The following NXPH2 variants were observed in gnomAD, a reference collection of about 807,000 sequenced individuals.
NXPH2 encodes the protein neurexophilin 2.
NXPH2 carries 5 observed loss-of-function variants against 19.8 expected under a neutral mutation model. The observed-to-expected ratio is 0.25, with a 90% confidence interval of 0.13 to 0.53. The LOEUF is 0.53. Ranked by LOEUF, NXPH2 falls within the 20% of genes least tolerant of loss-of-function variation. The pLI, the probability that NXPH2 is intolerant of heterozygous loss-of-function variation, is 0.96. For synonymous variants in NXPH2, 154 were observed against 127.4 expected, an observed-to-expected ratio of 1.21 and a Z score of -1.41; for missense variants, 289 against 322.8, an observed-to-expected ratio of 0.90 and a Z score of 0.80.
intron 1 of NXPH2, among the ~76,000 whole-genome samples, chr2:138,765,762 G>A (rs1307587973): frequency 6.6e-6 from 1 of 152,024 alleles, no homozygotes; most frequent in Non-Finnish European, 1.5e-5. Context: ...ATATAACCTG[G>A]GTTTGTGATA....
intron 1 of NXPH2, among the ~76,000 whole-genome samples, chr2:138,726,346 C>T (rs1429889688): frequency 6.6e-6 from 1 of 152,056 alleles, no homozygotes; most frequent in Non-Finnish European, 1.5e-5. Context: ...GGTCGGCCTG[C>T]CAACTTAGAG....
intron 1 of NXPH2, among the ~76,000 whole-genome samples, chr2:138,713,957 GAAAC>G (rs1238870679): frequency 7.2e-6 from 1 of 138,500 alleles, no homozygotes; most frequent in Non-Finnish European, 1.6e-5. Flanking sequence ...TGTAAACAAA[GAAAC>G]AAACAAAAAA....
chr2:138,745,787 T>C (rs1330732523), intron 1 of NXPH2, among the ~76,000 whole-genome samples: 4 of 151,144 alleles, frequency 2.6e-5, no homozygotes, highest in Non-Finnish European at 5.9e-5. Context: ...AGCTGTTACC[T>C]ATGGAGTGAG....
chr2:138,752,473 T>G (rs1681842206), intron 1 of NXPH2, among the ~76,000 whole-genome samples: 1 of 152,168 alleles, frequency 6.6e-6, no homozygotes. Context: ...AAACATACTT[T>G]TAATGCCAGA....
At chr2:138,773,415 G>T (rs2104845228) in intron 1 of NXPH2, among the ~76,000 whole-genome samples, 2 of 152,130 alleles carry the variant, frequency 1.3e-5, no homozygotes, top group Non-Finnish European at 2.9e-5. Context: ...AATGTTAAAT[G>T]ATGCTTTATG....
chr2:138,702,619 T>G (rs1266216041), intron 1 of NXPH2, among the ~76,000 whole-genome samples: 1 of 131,058 alleles, frequency 7.6e-6, no homozygotes. Flanking sequence ...ATAAATTAAC[T>G]TGAAGAGAAA....
chr2:138,727,191 C>T (rs1326971959), intron 1 of NXPH2, among the ~76,000 whole-genome samples: 2 of 152,176 alleles, frequency 1.3e-5, no homozygotes, highest in African/African-American at 4.8e-5. Flanking sequence ...CATCAAAGGA[C>T]ATCTTGATTG....
chr2:138,740,565 C>G (rs1188588274), intron 1 of NXPH2, among the ~76,000 whole-genome samples: 1 of 152,092 alleles, frequency 6.6e-6, no homozygotes, highest in Admixed American at 6.5e-5. Context: ...AATAAATCAA[C>G]CATATCGTTA....
At chr2:138,706,950 G>T (rs1681025249) in intron 1 of NXPH2, among the ~76,000 whole-genome samples, 1 of 151,742 alleles carries the variant, frequency 6.6e-6, no homozygotes, top group Admixed American at 6.6e-5. Context: ...AATGCTTAGA[G>T]AAACTTGTTG....
chr2:138,701,802 A>C (rs1305081088), intron 1 of NXPH2, among the ~76,000 whole-genome samples: 1 of 152,216 alleles, frequency 6.6e-6, no homozygotes, highest in East Asian at 1.9e-4. Context: ...CATATGTTAC[A>C]GAAACTTGCC....
intron 1 of NXPH2, 51 bp downstream of exon 1, chr2:138,780,140 C>A: frequency 2.7e-6 from 4 of 1,464,560 alleles, no homozygotes; most frequent in South Asian, 2.7e-5. Context: ...GCGGTTTTCC[C>A]GCCGAAACGC....
chr2:138,696,846 C>A (rs1213415019), intron 1 of NXPH2, among the ~76,000 whole-genome samples: 1 of 151,702 alleles, frequency 6.6e-6, no homozygotes, highest in African/African-American at 2.4e-5. Context: ...ACTGAAACAC[C>A]CAAATGTCCA....
intron 1 of NXPH2, among the ~76,000 whole-genome samples, chr2:138,706,291 C>T (rs1681007875): frequency 6.6e-6 from 1 of 152,158 alleles, no homozygotes; most frequent in African/African-American, 2.4e-5. Flanking sequence ...ATTAAGTTGG[C>T]AGTGTAAGCA....
chr2:138,726,823 G>A (rs1681368104), intron 1 of NXPH2, among the ~76,000 whole-genome samples: 1 of 152,066 alleles, frequency 6.6e-6, no homozygotes, highest in Non-Finnish European at 1.5e-5. Context: ...GTGAACATTA[G>A]GGTTTACTTC....
Position 138,768,328 on chromosome 2 carries a change from G to A in NXPH2, c.51+11863C>T, listed in dbSNP as rs576592991. Among the ~76,000 whole-genome samples the A allele has an allele frequency of 3.9e-5, 6 of 152,260 alleles. No homozygotes were observed. In the South Asian group the frequency reaches 1.0e-3, roughly 26 times the overall value. ...ACAGCTGGAATGGGTCTTCTCTGTA[G>A]TTGTTTGGGTCTCTTTCTCTAATAG... On this transcript the variant is annotated intron_variant, in intron 1 of 1. Coordinates refer to ENST00000272641, the MANE Select transcript of NXPH2 (RefSeq NM_007226.3).
chr2:138,689,347 T>C (rs1416231412), intron 1 of NXPH2, among the ~76,000 whole-genome samples: 2 of 152,218 alleles, frequency 1.3e-5, no homozygotes, highest in African/African-American at 4.8e-5. Context: ...GGAGAGTGGT[T>C]GGGTTTGGTG....
intron 1 of NXPH2, among the ~76,000 whole-genome samples, chr2:138,698,100 G>A (rs1430412124): frequency 1.3e-5 from 2 of 151,978 alleles, no homozygotes; most frequent in South Asian, 4.1e-4. Flanking sequence ...CAATGGTGAC[G>A]AATGCACAAT....
intron 1 of NXPH2, among the ~76,000 whole-genome samples, chr2:138,749,290 C>T (rs924964128): frequency 6.6e-6 from 1 of 152,154 alleles, no homozygotes; most frequent in African/African-American, 2.4e-5. Flanking sequence ...TGAGGCCTCT[C>T]TAGCCATATG....
intron 1 of NXPH2, among the ~76,000 whole-genome samples, chr2:138,724,877 C>T (rs574573551): frequency 6.6e-6 from 1 of 152,318 alleles, no homozygotes; most frequent in East Asian, 1.9e-4. Context: ...GGCACTCATA[C>T]ACAATAAATA....
Sources: gnomAD v4.1 joint callset for allele counts (sites outside exome capture counted in the v4.1 genomes callset) on GRCh38, gnomAD v4.1.1 for gene constraint, MANE v1.5 for transcripts, NCBI Gene and HGNC (gene_info 2026-07-23, HGNC 2026-07-21) for gene names.